CUL2: variants seen among roughly 807,000 people sequenced by gnomAD.
CUL2 encodes cullin-2.
A neutral mutation model predicts 110.2 loss-of-function variants in CUL2; 22 were observed. The ratio of observed to expected loss-of-function variants is 0.20; its 90% CI spans 0.14 to 0.28. CUL2 has a LOEUF of 0.28. CUL2 is among the 10% of genes least tolerant of loss of function. The pLI, the probability that CUL2 is intolerant of heterozygous loss-of-function variation, is 1.00. For synonymous variants in CUL2, 279 were observed against 293.2 expected (o/e 0.95, Z 0.49); for missense variants, 631 against 905.5 (o/e 0.70, Z 3.89).
In CUL2 at chr10:35,031,428, GATTTAGC is replaced by G. The variant is rs773241441; in HGVS notation, c.1300-49_1300-43del. On this transcript the variant is annotated intron_variant, in intron 13 of 20. Transcript: ENST00000374749. This position sits in a 1 kb window ranked among gnomAD's most constrained non-coding sequence, Gnocchi z 4.4. ...TTTAAAAGATTACTTCCTTTCTAATGATTTAGCATTCAGAAATAAAGTTGACCAAAAT... is the reference window on the plus strand; with the variant it reads ...TTTAAAAGATTACTTCCTTTCTAATGATTCAGAAATAAAGTTGACCAAAAT... 2.8e-5 allele frequency: 44 copies of G among 1,596,922 alleles called. No individual in the cohort carries two copies. The highest frequency in any genetic ancestry group is 3.4e-5 in the Non-Finnish European group (40 of 1,169,746).
At chr10:35,020,341 T>C (rs2085152114) in intron 17 of CUL2, among the ~76,000 whole-genome samples, 1 of 152,190 alleles carries the variant, frequency 6.6e-6, no homozygotes, top group Admixed American at 6.5e-5. Context: ...GCAAGTCACC[T>C]TGGGACAGTC....
intron 14 of CUL2, among the ~76,000 whole-genome samples, chr10:35,030,612 A>G (rs948219577): frequency 6.6e-6 from 1 of 152,160 alleles, no homozygotes; most frequent in Non-Finnish European, 1.5e-5. Context: ...TGAACTACTG[A>G]GCTCAAACAA....
At chr10:35,050,845 A>G (rs1350266323) in intron 5 of CUL2, among the ~76,000 whole-genome samples, 2 of 152,266 alleles carry the variant, frequency 1.3e-5, no homozygotes, top group Non-Finnish European at 2.9e-5. Flanking sequence ...TACATCTACA[A>G]GTTGAGATCC....
intron 1 of CUL2, among the ~76,000 whole-genome samples, chr10:35,121,874 T>C (rs1034760845): frequency 6.6e-6 from 1 of 152,078 alleles, no homozygotes; most frequent in Non-Finnish European, 1.5e-5. Context: ...TTTTAAATAA[T>C]TCAGGAGCTT....
intron 2 of CUL2, among the ~76,000 whole-genome samples, chr10:35,069,269 T>A (rs1222067215): frequency 6.6e-6 from 1 of 152,122 alleles, no homozygotes. Context: ...CTGGGCAAGG[T>A]GGCTCACACC....
rs900565616 is a variant in CUL2, at chr10:35,010,211, A to G, written c.*100T>C. 2.6e-5 allele frequency: 34 copies of G among 1,323,026 alleles called. No individual in the cohort carries two copies. Among genetic ancestry groups the G allele is most frequent in the Non-Finnish European group, 3.2e-5 (32 of 1,010,682 alleles). The allele number at this position is 1,323,026 out of a possible 1,614,324, so 82.0% of individuals were successfully genotyped here. On this transcript the variant is annotated 3_prime_UTR_variant, in exon 21 of 21. Transcript: ENST00000374749. The stretch of plus-strand genomic sequence containing the variant: ...AAACAGCAGAAAACAGGGGCTGCCA[A>G]ATGACCAAATTATGGAGGCACAGTC...
chr10:35,040,126 C>G (rs2085744348), intron 8 of CUL2, among the ~76,000 whole-genome samples: 1 of 152,034 alleles, frequency 6.6e-6, no homozygotes, highest in Admixed American at 6.6e-5. Flanking sequence ...GCACTCTAGC[C>G]TAGGCAATAA....
chr10:35,100,456 T>G (rs952396376), intron 2 of CUL2, among the ~76,000 whole-genome samples: 5 of 152,118 alleles, frequency 3.3e-5, no homozygotes, highest in African/African-American at 1.2e-4. Flanking sequence ...TTTTCTGGTT[T>G]TATTTTTATT....
upstream of CUL2, chr10:35,090,353 G>C (rs541090905): frequency 6.6e-6 from 1 of 152,324 alleles, no homozygotes; most frequent in African/African-American, 2.4e-5. Flanking sequence ...CCGCCTCCCC[G>C]GCCGGCCGCC....
In CUL2 at chr10:35,035,290, G is replaced by C; in HGVS notation, c.884C>G (p.Ala295Gly). The part of the protein sequence containing the change: ...IIRQEKKNDM[A>G]NMYVLLRAVS... ...AGCACGGAGTAAGACGTACATATTT[G>C]CCATGTCTGAGAGGAAAAAGACATC... The change falls in exon 10 of 21, where the codon GCA (alanine) becomes GGA (glycine). Residue 295 changes from alanine (A) to glycine (G), a missense_variant. Physicochemically the swap from Ala to Gly is moderately conservative, Grantham distance 60 (BLOSUM62 0). Transcript: ENST00000374749. 1 of 1,613,786 alleles carries C rather than the reference G, an allele frequency of 6.2e-7. No homozygotes were observed. The highest frequency in any genetic ancestry group is 8.5e-7 in the Non-Finnish European group (1 of 1,179,816).
chr10:35,020,747 A>G (rs1441065911), intron 17 of CUL2, among the ~76,000 whole-genome samples: 1 of 152,140 alleles, frequency 6.6e-6, no homozygotes, highest in Non-Finnish European at 1.5e-5. Flanking sequence ...ATATCTCTTT[A>G]TCAAGTATCT....
intron 18 of CUL2, among the ~76,000 whole-genome samples, chr10:35,015,233 C>A (rs2084996839): frequency 6.7e-6 from 1 of 149,228 alleles, no homozygotes; most frequent in Non-Finnish European, 1.5e-5. Flanking sequence ...GTGGAGGTTG[C>A]AGTGAGCCAA....
In CUL2 at chr10:35,029,709, T is replaced by C. The variant is rs140182820; in HGVS notation, c.1387-69A>G. 6.8e-4 allele frequency: 799 copies of C among 1,167,802 alleles called. 2 individuals carry two copies. In the African/African-American group the frequency reaches 0.011, roughly 16 times the overall value. The allele number at this position is 1,167,802 out of a possible 1,614,324, so 72.3% of individuals were successfully genotyped here. Reference sequence around the variant, plus strand: ...AATAAGTCATATTGGTTAATAATAATGTGTCGGTATTGCTAGGTCTTTGAT... The same window carrying C: ...AATAAGTCATATTGGTTAATAATAACGTGTCGGTATTGCTAGGTCTTTGAT... On this transcript the variant is annotated intron_variant, in intron 14 of 20. Coordinates refer to ENST00000374749, the MANE Select transcript of CUL2 (RefSeq NM_003591.4).
At chr10:35,117,791 T>C (rs2087627238) in intron 1 of CUL2, among the ~76,000 whole-genome samples, 1 of 152,230 alleles carries the variant, frequency 6.6e-6, no homozygotes, top group South Asian at 2.1e-4. Context: ...TACAGAAATA[T>C]GTGACCTTGA....
chr10:35,038,783 T>G, intron 9 of CUL2, 137 bp downstream of exon 9: 1 of 521,494 alleles, frequency 1.9e-6, no homozygotes, highest in Non-Finnish European at 3.2e-6. Flanking sequence ...CAAAATAAAG[T>G]ATTAATAATC....
chr10:35,071,056 A>G, intron 2 of CUL2, 143 bp downstream of exon 2: 1 of 731,724 alleles, frequency 1.4e-6, no homozygotes. Context: ...GCCATAAAAG[A>G]GGTGATGAAC....
intron 14 of CUL2, among the ~76,000 whole-genome samples, chr10:35,030,423 C>T (rs995163563): frequency 1.6e-4 from 24 of 152,062 alleles, no homozygotes; most frequent in African/African-American, 5.6e-4. Flanking sequence ...TGCTCTGTCA[C>T]TCAGGATGGA....
At chr10:35,122,786 C>T (rs2087693489) in intron 1 of CUL2, among the ~76,000 whole-genome samples, 1 of 152,096 alleles carries the variant, frequency 6.6e-6, no homozygotes, top group Non-Finnish European at 1.5e-5. Flanking sequence ...TACAGGCATG[C>T]GCCACCATGC....
At chr10:35,015,413 T>C (rs2085001317) in intron 18 of CUL2, among the ~76,000 whole-genome samples, 1 of 152,160 alleles carries the variant, frequency 6.6e-6, no homozygotes, top group Admixed American at 6.5e-5. Flanking sequence ...TGTTCAGTTA[T>C]AGACTATAAA....
Sources: allele counts gnomAD v4.1 joint callset (sites outside exome capture counted in the v4.1 genomes callset), GRCh38; gene constraint gnomAD v4.1.1; non-coding constraint Gnocchi (gnomAD v3.1); transcripts MANE v1.5; gene names NCBI Gene and HGNC (gene_info 2026-07-23, HGNC 2026-07-21).